Variants in DACH2 observed in about 807,000 individuals in gnomAD.
DACH2 encodes the protein dachshund homolog 2.
DACH2 carries 17 observed loss-of-function variants against 35.8 expected under a neutral mutation model. The observed-to-expected ratio is 0.48, with a 90% confidence interval of 0.33 to 0.71. The LOEUF (loss-of-function observed/expected upper bound fraction) is 0.71. Among genes scored for constraint, DACH2 ranks in the 30% least tolerant of loss-of-function variants. The pLI is 0.02. For synonymous variants in DACH2, 195 were observed against 177.3 expected (o/e 1.10, Z -0.79); for missense variants, 469 against 472.7 (o/e 0.99, Z 0.07).
intron 3 of DACH2, among the ~76,000 whole-genome samples, chrX:86,567,081 G>T (rs1206566483): frequency 9.0e-6 from 1 of 111,406 alleles, no homozygotes; most frequent in East Asian, 2.9e-4. Flanking sequence ...CTTGAAGGAC[G>T]GGTAGTGTTT....
intron 7 of DACH2, among the ~76,000 whole-genome samples, chrX:86,795,612 C>A (rs58786895): frequency 8.0e-4 from 90 of 112,532 alleles, no homozygotes; most frequent in African/African-American, 2.8e-3. Flanking sequence ...TATGATACTG[C>A]GTCTGGAATT....
At chrX:86,752,261 AATACTTATCTT>A (rs1183483554) in intron 7 of DACH2, among the ~76,000 whole-genome samples, 1 of 111,468 alleles carries the variant, frequency 9.0e-6, no homozygotes, top group African/African-American at 3.3e-5. Context: ...CATCCTTTCT[AATACTTATCTT>A]TTGTATTTTG....
At chrX:86,314,589 A>G (rs971341745) in intron 1 of DACH2, among the ~76,000 whole-genome samples, 4 of 112,165 alleles carry the variant, frequency 3.6e-5, no homozygotes, top group Non-Finnish European at 7.5e-5. Context: ...GCAAAAATCT[A>G]GGCCTCTTAT....
chrX:86,525,114 C>T (rs181326182), intron 3 of DACH2, among the ~76,000 whole-genome samples: 242 of 110,924 alleles, frequency 2.2e-3, no homozygotes, highest in African/African-American at 7.6e-3. Flanking sequence ...AAGATTTGAG[C>T]CAGAATTTAT....
chrX:86,537,107 C>A (rs1008320371), intron 3 of DACH2, among the ~76,000 whole-genome samples: 9 of 111,333 alleles, frequency 8.1e-5, no homozygotes, highest in African/African-American at 2.9e-4. Flanking sequence ...ACATTCCTTG[C>A]ATTCTGTGTA....
intron 2 of DACH2, among the ~76,000 whole-genome samples, chrX:86,402,400 A>T (rs1263957107): frequency 8.9e-6 from 1 of 111,969 alleles, no homozygotes; most frequent in Non-Finnish European, 1.9e-5. Context: ...CCAGGCTGAG[A>T]GTCAAATCAG....
chrX:86,757,634 G>A (rs2041841410), intron 7 of DACH2, among the ~76,000 whole-genome samples: 1 of 111,638 alleles, frequency 9.0e-6, no homozygotes, highest in Admixed American at 9.5e-5. Context: ...AATCATAGGG[G>A]TGGACTTCTC....
chrX:86,404,713 C>G (rs1297208474), intron 2 of DACH2, among the ~76,000 whole-genome samples: 1 of 112,098 alleles, frequency 8.9e-6, no homozygotes. Context: ...TCCCTCTTCT[C>G]AAGCTCCACT....
chrX:86,608,037 T>C, intron 3 of DACH2, among the ~76,000 whole-genome samples: 1 of 107,845 alleles, frequency 9.3e-6, no homozygotes, highest in African/African-American at 3.4e-5. Flanking sequence ...CTATTGTGAA[T>C]AATGCCACAA....
rs1413244790 is a variant in DACH2, at chrX:86,514,257, A to G, written c.528-22A>G. 2.6e-6 allele frequency: 3 copies of G among 1,174,492 alleles called. No homozygotes were observed. In the African/African-American group the frequency reaches 5.3e-5, roughly 21 times the overall value. On this transcript the variant is annotated intron_variant, in intron 2 of 11. Coordinates refer to ENST00000373125, the MANE Select transcript of DACH2 (RefSeq NM_053281.3). Reference sequence around the variant, plus strand: ...AAGAGTACATTTTTAACCTTTATCTATATTTGTCTGTTTTTCAACAGTTCA... The same window carrying G: ...AAGAGTACATTTTTAACCTTTATCTGTATTTGTCTGTTTTTCAACAGTTCA...
chrX:86,224,751 T>C (rs73514030), intron 1 of DACH2, among the ~76,000 whole-genome samples: 8,708 of 111,349 alleles, frequency 0.078, 831 homozygotes, highest in African/African-American at 0.27. Flanking sequence ...TATGAAATCA[T>C]TTTACACAGC....
At chrX:86,774,364 T>C in intron 7 of DACH2, among the ~76,000 whole-genome samples, 1 of 112,195 alleles carries the variant, frequency 8.9e-6, no homozygotes. Context: ...ACTTTTCTTT[T>C]TGCCTTCAAT....
chrX:86,293,524 G>A (rs912055593), intron 1 of DACH2, among the ~76,000 whole-genome samples: 1 of 109,886 alleles, frequency 9.1e-6, no homozygotes, highest in Non-Finnish European at 1.9e-5. Flanking sequence ...AGTCTCGATG[G>A]TCTTTACATT....
intron 7 of DACH2, chrX:86,742,501 C>A (rs2041667292): frequency 7.0e-6 from 1 of 142,770 alleles, no homozygotes; most frequent in Non-Finnish European, 1.4e-5. Context: ...AACAAAAAAT[C>A]TTTCTACTGT....
intron 1 of DACH2, among the ~76,000 whole-genome samples, chrX:86,300,162 C>A (rs925609271): frequency 9.1e-6 from 1 of 110,426 alleles, no homozygotes; most frequent in Non-Finnish European, 1.9e-5. Flanking sequence ...ACCCATTAGC[C>A]GTTAATTATA....
intron 3 of DACH2, among the ~76,000 whole-genome samples, chrX:86,618,968 G>T (rs770304366): frequency 8.9e-6 from 1 of 111,795 alleles, no homozygotes; most frequent in African/African-American, 3.2e-5. Context: ...CCATAGTCTT[G>T]CTTTTTAAAC....
At chrX:86,383,392 G>A (rs183580512) in intron 2 of DACH2, among the ~76,000 whole-genome samples, 30 of 107,026 alleles carry the variant, frequency 2.8e-4, no homozygotes, top group African/African-American at 7.8e-4. Context: ...TATTTGAGGC[G>A]TTGATACATC....
At chrX:86,438,178 C>T (rs1343766194) in intron 2 of DACH2, among the ~76,000 whole-genome samples, 1 of 107,225 alleles carries the variant, frequency 9.3e-6, no homozygotes, top group Non-Finnish European at 1.9e-5. Context: ...ATAATGGCCT[C>T]CAGCTCCATC....
Position 86,148,802 on chromosome X carries a change from G to C in DACH2, c.182G>C (p.Gly61Ala). ...HSNSAGGGGR[G>A]NTNTNECRMV... ...AACAGTGCCGGAGGCGGCGGCAGGG[G>C]CAACACCAACACCAACGAGTGCCGC... The change falls in exon 1 of 12, where the codon GGC becomes GCC. Residue 61 changes from glycine to alanine, a missense_variant. Gly to Ala is a moderately conservative substitution (Grantham distance 60, BLOSUM62 0). This residue lies in a region of DACH2 where 99 missense variants were observed against 114.3 expected (regional missense o/e 0.87). Transcript: ENST00000373125. The C allele has an allele frequency of 8.3e-7, 1 of 1,211,724 alleles. No individual in the cohort carries two copies. Among genetic ancestry groups the C allele is most frequent in the Non-Finnish European group, 1.1e-6 (1 of 895,528 alleles).
Sources: allele counts gnomAD v4.1 joint callset (sites outside exome capture counted in the v4.1 genomes callset), GRCh38; gene constraint gnomAD v4.1.1; regional missense constraint gnomAD v4.1.1; transcripts MANE v1.5; gene names NCBI Gene and HGNC (gene_info 2026-07-23, HGNC 2026-07-21).